Variants in CHD2 observed in about 807,000 individuals in gnomAD.
The protein encoded by CHD2 is ATP-dependent chromatin remodeler CHD2.
Under a neutral mutation model 243.9 loss-of-function variants are expected in CHD2, and 28 were observed. That is an observed-to-expected ratio of 0.11 (90% CI 0.09 to 0.16). CHD2 has a LOEUF of 0.16. CHD2 is among the 10% of genes least tolerant of loss of function. The pLI is 1.00. For synonymous variants in CHD2, 775 were observed against 779.0 expected (o/e 0.99, Z 0.09); for missense variants, 1,386 against 2,209.8 (o/e 0.63, Z 7.47).
chr15:92,984,056 C>A (rs951881400), intron 24 of CHD2, among the ~76,000 whole-genome samples: 1 of 152,136 alleles, frequency 6.6e-6, no homozygotes, highest in Non-Finnish European at 1.5e-5. Context: ...TTTATAACAG[C>A]TCATTCAATA....
intron 3 of CHD2, among the ~76,000 whole-genome samples, chr15:92,925,910 A>ATGTTGT (rs537198903): frequency 6.6e-6 from 1 of 151,880 alleles, no homozygotes; most frequent in Non-Finnish European, 1.5e-5. Context: ...CATCATTTTT[A>ATGTTGT]TGTTGTTGTT....
intron 4 of CHD2, among the ~76,000 whole-genome samples, chr15:92,927,825 A>G (rs1323520354): frequency 6.6e-6 from 1 of 152,236 alleles, no homozygotes; most frequent in Non-Finnish European, 1.5e-5. Context: ...AGTGTGAGAT[A>G]TAATAAAATG....
In CHD2 at chr15:92,992,853, C is replaced by T. The variant is rs755464665; in HGVS notation, c.3456-6C>T. The T allele has an allele frequency of 7.4e-6, 12 of 1,612,402 alleles. No individual in the cohort carries two copies. On this transcript the variant is annotated splice_region_variant and splice_polypyrimidine_tract_variant and intron_variant, in intron 27 of 38. Transcript: ENST00000394196. ...CTAAAGTGTCCCCATATTTGTTCCT[C>T]CTCAGGCTGGAGTGCATAGCACGTG...
intron 35 of CHD2, among the ~76,000 whole-genome samples, chr15:93,010,382 T>C (rs1253329466): frequency 6.6e-6 from 1 of 151,940 alleles, no homozygotes; most frequent in Non-Finnish European, 1.5e-5. Flanking sequence ...CTGTCCACTT[T>C]GGATATTTTA....
At chr15:92,947,611 GTAAT>G (rs1245009756) in intron 12 of CHD2, 1 of 152,268 alleles carries the variant, frequency 6.6e-6, no homozygotes, top group Non-Finnish European at 1.5e-5. Flanking sequence ...TCTGGAGTAA[GTAAT>G]TATTAAAGCC....
intron 26 of CHD2, among the ~76,000 whole-genome samples, chr15:92,986,209 C>G (rs1334695289): frequency 6.6e-6 from 1 of 152,042 alleles, no homozygotes; most frequent in Non-Finnish European, 1.5e-5. Flanking sequence ...TGAGTGATTA[C>G]TATACATTTC....
At chr15:92,965,120 G>C (rs1310951122) in intron 16 of CHD2, 8 of 152,152 alleles carry the variant, frequency 5.3e-5, no homozygotes, top group Admixed American at 3.9e-4. Flanking sequence ...AAATACAGAA[G>C]TTGATAGCAG....
At chr15:92,905,120 C>A in intron 2 of CHD2, 1 of 875,628 alleles carries the variant, frequency 1.1e-6, no homozygotes, top group Non-Finnish European at 1.7e-6. Flanking sequence ...CAGCGTTAGG[C>A]AACCATTACT....
At position 92,998,586 on chromosome 15, in the gene CHD2, C is replaced by G. The variant is rs773783551; in HGVS notation, c.3973C>G (p.Leu1325Val). ...DYLLKLLRKGLEKKGAVTGGE... is the reference protein window; with the variant it reads ...DYLLKLLRKGVEKKGAVTGGE... ...CTTGTTGAAGCTGCTCAGAAAGGGT[C>G]TGGAGAAGAAGGGGGCTGTGACAGG... Residue 1325 changes from leucine to valine, a missense_variant, in exon 31 of 39, where the codon CTG (leucine) becomes GTG (valine). Leu to Val is a conservative substitution (Grantham distance 32). Transcript: ENST00000394196. The surrounding 1 kb of genome is among the most constrained non-coding windows in gnomAD (Gnocchi z 5.1). 1 of 1,613,246 alleles carries G rather than the reference C, an allele frequency of 6.2e-7. No individual in the cohort carries two copies. The highest frequency in any genetic ancestry group is 1.1e-5 in the South Asian group (1 of 91,020).
intron 26 of CHD2, 65 bp from the exon 27 acceptor site, chr15:92,991,411 C>A: frequency 8.2e-7 from 1 of 1,224,932 alleles, no homozygotes; most frequent in Non-Finnish European, 1.2e-6. Flanking sequence ...ACAGGATATG[C>A]TAGCATCAAC....
At chr15:92,975,058 T>C in intron 20 of CHD2, 108 bp downstream of exon 20, 10 of 859,490 alleles carry the variant, frequency 1.2e-5, no homozygotes, top group Non-Finnish European at 1.8e-5. Flanking sequence ...AGTGCAATTC[T>C]TTTGCCTTGA....
At chr15:92,960,203 A>G (rs1334760660) in intron 16 of CHD2, among the ~76,000 whole-genome samples, 5 of 152,062 alleles carry the variant, frequency 3.3e-5, no homozygotes, top group Non-Finnish European at 7.4e-5. Flanking sequence ...AACTTGATAA[A>G]CTTACTGTTT....
At chr15:92,955,639 G>T in intron 15 of CHD2, 127 bp downstream of exon 15, 1 of 562,912 alleles carries the variant, frequency 1.8e-6, no homozygotes, top group Non-Finnish European at 3.0e-6. Flanking sequence ...AAAACAAATG[G>T]TAGGGTCTGT....
In CHD2 at chr15:92,998,413, G is replaced by A. The variant is rs1450435882; in HGVS notation, c.3886-86G>A. ...GGTGGTTGGGGAGGGAAAGGACTGT[G>A]CTCAGTTTTTGTTGTCTCTGTTTAT... On this transcript the variant is annotated intron_variant, in intron 30 of 38. Transcript: ENST00000394196. This position sits in a 1 kb window ranked among gnomAD's most constrained non-coding sequence, Gnocchi z 5.1. The A allele has an allele frequency of 1.3e-6, 2 of 1,563,630 alleles. No homozygotes were observed. The highest frequency in any genetic ancestry group is 1.2e-5 in the South Asian group (1 of 85,564).
intron 2 of CHD2, among the ~76,000 whole-genome samples, chr15:92,922,647 C>G (rs998037170): frequency 1.1e-4 from 16 of 152,188 alleles, no homozygotes; most frequent in South Asian, 8.3e-4. Context: ...CTCCTGGCTT[C>G]TGAACTCAGG....
At chr15:92,909,111 CAAA>C (rs780137728) in intron 2 of CHD2, among the ~76,000 whole-genome samples, 2 of 124,700 alleles carry the variant, frequency 1.6e-5, no homozygotes. Context: ...ACAGGGTGAC[CAAA>C]AAAAAAAAAA....
intron 16 of CHD2, among the ~76,000 whole-genome samples, chr15:92,966,714 C>T (rs2053768407): frequency 6.6e-6 from 1 of 151,974 alleles, no homozygotes; most frequent in South Asian, 2.1e-4. Context: ...AGTTTGAGAC[C>T]AGCCTGGCCA....
At chr15:93,011,926 A>C (rs1162733876) in intron 35 of CHD2, among the ~76,000 whole-genome samples, 2 of 152,140 alleles carry the variant, frequency 1.3e-5, no homozygotes, top group Non-Finnish European at 2.9e-5. Context: ...AGTGAAGGAA[A>C]ACTTAAAAGG....
chr15:92,923,083 T>G (rs1238361628), intron 2 of CHD2, among the ~76,000 whole-genome samples: 5 of 152,228 alleles, frequency 3.3e-5, no homozygotes, highest in African/African-American at 1.2e-4. Context: ...TTCTGTTAAG[T>G]CTACCACTTC....
Sources: gnomAD v4.1 joint callset for allele counts (sites outside exome capture counted in the v4.1 genomes callset) on GRCh38, gnomAD v4.1.1 for gene constraint, Gnocchi (gnomAD v3.1) non-coding constraint, MANE v1.5 for transcripts, NCBI Gene and HGNC (gene_info 2026-07-23, HGNC 2026-07-21) for gene names.